The following PDE4B variants were observed in gnomAD, a reference collection of about 807,000 sequenced individuals.
PDE4B encodes the protein phosphodiesterase 4B.
A neutral mutation model predicts 82.2 loss-of-function variants in PDE4B; 20 were observed. The ratio of observed to expected loss-of-function variants is 0.24; its 90% confidence interval spans 0.17 to 0.35. The LOEUF (loss-of-function observed/expected upper bound fraction) is 0.35. Among genes scored for constraint, PDE4B ranks in the 10% least tolerant of loss-of-function variants. The probability of loss-of-function intolerance (pLI) is 1.00; values close to 1 mark genes in which losing one functional copy is unlikely to be tolerated. For synonymous variants in PDE4B, 320 were observed against 318.9 expected (o/e 1.00, Z -0.04); for missense variants, 655 against 907.2 (o/e 0.72, Z 3.57).
At chr1:65,999,983 A>T (rs1188483828) in intron 3 of PDE4B, among the ~76,000 whole-genome samples, 2 of 152,144 alleles carry the variant, frequency 1.3e-5, no homozygotes, top group Non-Finnish European at 2.9e-5. Flanking sequence ...CTTGCTTCCT[A>T]TATTGTATTC....
At chr1:65,816,097 T>C (rs114970518) in intron 1 of PDE4B, among the ~76,000 whole-genome samples, 1,628 of 151,998 alleles carry the variant, frequency 0.011, 33 homozygotes, top group African/African-American at 0.038. Flanking sequence ...TTATCAAAAG[T>C]CAAGTATTCT....
At chr1:66,254,853 A>G (rs1197337076) in intron 4 of PDE4B, among the ~76,000 whole-genome samples, 3 of 152,120 alleles carry the variant, frequency 2.0e-5, no homozygotes, top group Non-Finnish European at 4.4e-5. Flanking sequence ...TCTCATCAGA[A>G]TGGGTGCAAT....
At chr1:65,964,351 C>T (rs79520863) in intron 3 of PDE4B, among the ~76,000 whole-genome samples, 6,107 of 152,236 alleles carry the variant, frequency 0.04, 342 homozygotes, top group African/African-American at 0.13. Flanking sequence ...CATAAAAAGT[C>T]AGCTATGATA....
chr1:66,158,971 T>A (rs1646555903), intron 3 of PDE4B, among the ~76,000 whole-genome samples: 1 of 152,150 alleles, frequency 6.6e-6, no homozygotes, highest in Non-Finnish European at 1.5e-5. Context: ...GGAGAGAAGT[T>A]AGCAAAAGGG....
At chr1:66,370,011 C>G (rs527960690) in intron 16 of PDE4B, among the ~76,000 whole-genome samples, 4 of 151,858 alleles carry the variant, frequency 2.6e-5, no homozygotes, top group African/African-American at 9.7e-5. Context: ...ATTGGTCGAG[C>G]ATGGTAGTGT....
intron 1 of PDE4B, among the ~76,000 whole-genome samples, chr1:65,846,904 G>A (rs1448544680): frequency 6.6e-6 from 1 of 152,140 alleles, no homozygotes; most frequent in Non-Finnish European, 1.5e-5. Context: ...TAGAGTTACA[G>A]GGAAAAACAG....
intron 3 of PDE4B, among the ~76,000 whole-genome samples, chr1:66,227,566 C>T (rs568417548): frequency 6.6e-6 from 1 of 152,278 alleles, no homozygotes; most frequent in East Asian, 1.9e-4. Flanking sequence ...TATATTACTT[C>T]ACCTAGCCCT....
At chr1:66,223,577 T>G (rs947023729) in intron 3 of PDE4B, among the ~76,000 whole-genome samples, 15 of 152,248 alleles carry the variant, frequency 9.9e-5, no homozygotes, top group African/African-American at 3.6e-4. Flanking sequence ...TCATGGAGAT[T>G]TCCTCCATCC....
chr1:66,202,025 C>T (rs953116965), intron 3 of PDE4B, among the ~76,000 whole-genome samples: 13 of 152,278 alleles, frequency 8.5e-5, no homozygotes, highest in Middle Eastern at 3.4e-3. Context: ...TGAATGTGTC[C>T]CACAGATTCT....
At chr1:66,211,617 C>T (rs1253265012) in intron 3 of PDE4B, among the ~76,000 whole-genome samples, 2 of 152,096 alleles carry the variant, frequency 1.3e-5, no homozygotes, top group Non-Finnish European at 2.9e-5. Flanking sequence ...TCATTTAATC[C>T]TCTCAGCATT....
intron 1 of PDE4B, among the ~76,000 whole-genome samples, chr1:65,867,899 A>ATT (rs1646529774): frequency 6.6e-6 from 1 of 152,170 alleles, no homozygotes; most frequent in Non-Finnish European, 1.5e-5. Context: ...CTCTCTAAAA[A>ATT]TCCCTTTATT....
At chr1:65,935,812 C>T (rs1648094895) in intron 3 of PDE4B, among the ~76,000 whole-genome samples, 1 of 152,026 alleles carries the variant, frequency 6.6e-6, no homozygotes, top group African/African-American at 2.4e-5. Flanking sequence ...TGGCATATGC[C>T]TGTAATCCCA....
intron 3 of PDE4B, among the ~76,000 whole-genome samples, chr1:66,220,302 G>A (rs563317382): frequency 2.0e-5 from 3 of 152,104 alleles, no homozygotes; most frequent in Non-Finnish European, 4.4e-5. Context: ...TCTTTACTCA[G>A]GTACTTTTCT....
intron 3 of PDE4B, among the ~76,000 whole-genome samples, chr1:66,041,811 C>T (rs1162265386): frequency 1.7e-5 from 1 of 60,280 alleles, no homozygotes; most frequent in Non-Finnish European, 3.4e-5. Context: ...CACACACACA[C>T]ACACACACAC....
chr1:65,884,172 A>T (rs926533941), intron 1 of PDE4B, among the ~76,000 whole-genome samples: 15 of 152,182 alleles, frequency 9.9e-5, no homozygotes, highest in African/African-American at 3.6e-4. Context: ...CTGGCCTCAT[A>T]AAATGAGTTA....
intron 2 of PDE4B, 46 bp downstream of exon 2, chr1:65,913,402 A>G: frequency 6.3e-7 from 1 of 1,577,424 alleles, no homozygotes; most frequent in Non-Finnish European, 8.7e-7. Flanking sequence ...TTCAATAAAG[A>G]AGTCACTGGA....
chr1:65,928,080 C>T (rs1569715042), intron 3 of PDE4B, among the ~76,000 whole-genome samples: 1 of 152,196 alleles, frequency 6.6e-6, no homozygotes. Context: ...ATTTCCCTCT[C>T]CCCAGTGGGC....
At chr1:65,969,423 C>G (rs1374444427) in intron 3 of PDE4B, among the ~76,000 whole-genome samples, 1 of 152,144 alleles carries the variant, frequency 6.6e-6, no homozygotes, top group Non-Finnish European at 1.5e-5. Context: ...AAGAAGACAG[C>G]TGGGACACTT....
Position 66,309,253 on chromosome 1 carries a change from C to T in PDE4B, c.635-23255C>T, listed in dbSNP as rs568020289. Reference sequence around the variant, plus strand: ...ATAAATAACTAGATACACTTTAAGACACAAGACGTAATGGTCTAAAAAATG... The same window carrying T: ...ATAAATAACTAGATACACTTTAAGATACAAGACGTAATGGTCTAAAAAATG... On this transcript the variant is annotated intron_variant, in intron 7 of 16. Transcript: ENST00000341517. 9.9e-4 allele frequency among the ~76,000 whole-genome samples: 151 copies of T among 152,284 alleles called. 2 individuals carry two copies. The highest frequency in any genetic ancestry group is 1.8e-3 in the Non-Finnish European group (121 of 68,018).
Sources: gnomAD v4.1 joint callset for allele counts (sites outside exome capture counted in the v4.1 genomes callset) on GRCh38, gnomAD v4.1.1 for gene constraint, MANE v1.5 for transcripts, NCBI Gene and HGNC (gene_info 2026-07-23, HGNC 2026-07-21) for gene names.